The following UBAP1 variants were observed in gnomAD, a reference collection of about 807,000 sequenced individuals.
The protein encoded by UBAP1 is ubiquitin-associated protein 1.
In UBAP1, 5 loss-of-function variants were observed where a neutral mutation model predicts 39.0. The observed-to-expected ratio is 0.13, with a 90% CI of 0.07 to 0.27. The LOEUF (loss-of-function observed/expected upper bound fraction) is 0.27. UBAP1 is among the 10% of genes least tolerant of loss of function. UBAP1 has a pLI of 1.00. For missense variants in UBAP1, 490 were observed against 608.1 expected (o/e 0.81, Z 2.04); for synonymous variants, 211 against 225.1 (o/e 0.94, Z 0.56).
intron 4 of UBAP1, among the ~76,000 whole-genome samples, chr9:34,243,880 C>T (rs958925562): frequency 2.0e-5 from 3 of 151,802 alleles, no homozygotes; most frequent in Non-Finnish European, 2.9e-5. Flanking sequence ...AACAGAGTCT[C>T]GCTCTGTCGC....
In UBAP1 at chr9:34,251,985, G is replaced by GAA. The variant is rs1364969045; in HGVS notation, c.*455_*456dup. On this transcript the variant is annotated 3_prime_UTR_variant, in exon 7 of 7. Coordinates refer to ENST00000297661, the MANE Select transcript of UBAP1 (RefSeq NM_016525.5). ...AACTCCAGTCAAGTTGAGTTCAAGT[G>GAA]AAAGATTCTTCCAGGGTTTTATTTT... 6.3e-6 allele frequency: 1 copy of GAA among 157,710 alleles called. No individual in the cohort carries two copies. Among genetic ancestry groups the GAA allele is most frequent in the Non-Finnish European group, 1.4e-5 (1 of 71,252 alleles). 9.8% of individuals were successfully genotyped at this position (157,710 alleles called of 1,614,324 possible).
At chr9:34,198,567 G>T (rs529725014) in intron 1 of UBAP1, among the ~76,000 whole-genome samples, 1 of 152,338 alleles carries the variant, frequency 6.6e-6, no homozygotes, top group African/African-American at 2.4e-5. Flanking sequence ...GCCGCAGATG[G>T]GCAGAGCTGG....
intron 5 of UBAP1, among the ~76,000 whole-genome samples, chr9:34,250,383 C>G (rs79480955): frequency 0.016 from 2,414 of 152,300 alleles, 80 homozygotes; most frequent in African/African-American, 0.055. Context: ...CCTGCCCAGG[C>G]TGTGGAGTTG....
intron 1 of UBAP1, among the ~76,000 whole-genome samples, chr9:34,187,563 G>C (rs1410625797): frequency 6.6e-6 from 1 of 152,128 alleles, no homozygotes. Flanking sequence ...ACAATTGATA[G>C]TGTGTCATTC....
At chr9:34,191,183 A>G (rs1199278983) in intron 1 of UBAP1, among the ~76,000 whole-genome samples, 1 of 152,112 alleles carries the variant, frequency 6.6e-6, no homozygotes, top group Non-Finnish European at 1.5e-5. Context: ...GTGATTCTCA[A>G]AGTTTTAGTG....
chr9:34,231,011 T>C (rs1012009331), intron 2 of UBAP1, among the ~76,000 whole-genome samples: 2 of 151,534 alleles, frequency 1.3e-5, no homozygotes, highest in African/African-American at 4.8e-5. Context: ...GACCCTGTCT[T>C]AGCTACTCAG....
At chr9:34,202,202 G>C (rs559307984) in intron 1 of UBAP1, among the ~76,000 whole-genome samples, 6 of 152,200 alleles carry the variant, frequency 3.9e-5, no homozygotes, top group African/African-American at 1.4e-4. Flanking sequence ...CTTTCACTCT[G>C]TTGCCCAGCT....
chr9:34,195,927 GTTTTTTTTTTTTTTTTTTTTTTTTTT>G (rs57040252), intron 1 of UBAP1, among the ~76,000 whole-genome samples: 3 of 36,144 alleles, frequency 8.3e-5, no homozygotes, highest in African/African-American at 2.5e-4. Context: ...AAATTTTTTG[GTTTTTTTTTTTTTTTTTTTTTTTTTT>G]TTTTTTTTTT....
chr9:34,231,125 TTATGTG>T (rs1261303644), intron 2 of UBAP1, among the ~76,000 whole-genome samples: 8 of 96,694 alleles, frequency 8.3e-5, no homozygotes, highest in African/African-American at 3.3e-4. Flanking sequence ...TTTAAAAAAA[TTATGTG>T]TGTGTGTGTG....
intron 1 of UBAP1, among the ~76,000 whole-genome samples, chr9:34,185,588 G>C (rs568652962): frequency 6.6e-6 from 1 of 151,986 alleles, no homozygotes; most frequent in South Asian, 2.1e-4. Context: ...GGTCATGCCT[G>C]TAATCCTGGC....
chr9:34,193,334 A>G (rs756136225), intron 1 of UBAP1, among the ~76,000 whole-genome samples: 2 of 151,982 alleles, frequency 1.3e-5, no homozygotes, highest in Non-Finnish European at 2.9e-5. Flanking sequence ...TAATAAAAAT[A>G]TTGTGTAGGG....
chr9:34,245,992 G>C (rs1263413111), intron 4 of UBAP1, among the ~76,000 whole-genome samples: 1 of 152,050 alleles, frequency 6.6e-6, no homozygotes, highest in Non-Finnish European at 1.5e-5. Flanking sequence ...TCTTGTCTTT[G>C]TTTCTTTATT....
chr9:34,223,405 A>G (rs923417334), intron 2 of UBAP1, among the ~76,000 whole-genome samples: 134 of 150,278 alleles, frequency 8.9e-4, no homozygotes, highest in African/African-American at 3.0e-3. Flanking sequence ...ACTCCATTCC[A>G]TCTCAAAAAA....
chr9:34,213,749 T>G (rs1832144499), intron 1 of UBAP1, among the ~76,000 whole-genome samples: 1 of 152,042 alleles, frequency 6.6e-6, no homozygotes, highest in African/African-American at 2.4e-5. Context: ...TTGCTGACAA[T>G]ATGATCGTTT....
Position 34,242,110 on chromosome 9 carries a change from T to C in UBAP1, c.1083+2T>C. 1 of 1,577,026 alleles carries C rather than the reference T, an allele frequency of 6.3e-7. No homozygotes were observed. Among genetic ancestry groups the C allele is most frequent in the Non-Finnish European group, 8.7e-7 (1 of 1,155,846 alleles). ...TCACCTCCAAATACTGGTCCCACGG[T>C]AAGTCTTTTAAATCCCCCGCCGACT... On this transcript the variant is annotated splice_donor_variant, in intron 4 of 6. Coordinates refer to ENST00000297661, the MANE Select transcript of UBAP1 (RefSeq NM_016525.5). LOFTEE classifies it high-confidence loss of function.
intron 4 of UBAP1, among the ~76,000 whole-genome samples, chr9:34,244,414 G>A (rs1291235063): frequency 1.6e-5 from 2 of 123,334 alleles, no homozygotes; most frequent in Non-Finnish European, 3.3e-5. Context: ...CATTGTGTAC[G>A]AGCACCACAT....
intron 2 of UBAP1, chr9:34,224,464 G>A: frequency 2.6e-6 from 1 of 388,438 alleles, no homozygotes; most frequent in Non-Finnish European, 4.9e-6. Context: ...TTAGGGCACG[G>A]TATTTCTTGT....
At chr9:34,223,381 G>A (rs1374585341) in intron 2 of UBAP1, among the ~76,000 whole-genome samples, 2 of 149,770 alleles carry the variant, frequency 1.3e-5, no homozygotes, top group African/African-American at 4.9e-5. Flanking sequence ...AGTGAACTGA[G>A]ATGGTGCCAA....
chr9:34,182,664 T>TC (rs1491265911), intron 1 of UBAP1, among the ~76,000 whole-genome samples: 9 of 62,430 alleles, frequency 1.4e-4, no homozygotes, highest in African/African-American at 3.5e-4. Context: ...TCTTTCTTTC[T>TC]TTCTTTCTTT....
Sources: gnomAD v4.1 joint callset for allele counts (sites outside exome capture counted in the v4.1 genomes callset) on GRCh38, gnomAD v4.1.1 for gene constraint, MANE v1.5 for transcripts, NCBI Gene and HGNC (gene_info 2026-07-23, HGNC 2026-07-21) for gene names.